Variants in CHCHD3 observed in about 807,000 individuals in gnomAD.
CHCHD3 encodes coiled-coil-helix-coiled-coil-helix domain containing 3, also known as MICOS complex subunit MIC19.
In CHCHD3, 20 loss-of-function variants were observed where a neutral mutation model predicts 38.2. The ratio of observed to expected loss-of-function variants is 0.52; its 90% CI spans 0.37 to 0.76. The LOEUF is 0.76. Among genes scored for constraint, CHCHD3 ranks in the 30% least tolerant of loss-of-function variants. The probability of loss-of-function intolerance (pLI) is 0.00; values close to 1 mark genes in which losing one functional copy is unlikely to be tolerated. For synonymous variants in CHCHD3, 82 were observed against 100.0 expected (o/e 0.82, Z 1.07); for missense variants, 245 against 279.2 (o/e 0.88, Z 0.87).
At chr7:133,018,097 T>TA (rs1026700788) in intron 3 of CHCHD3, among the ~76,000 whole-genome samples, 6 of 152,140 alleles carry the variant, frequency 3.9e-5, no homozygotes, top group Non-Finnish European at 7.4e-5. Context: ...ATAAAGCATT[T>TA]AAAAAAACAG....
chr7:132,864,758 T>C (rs1443307493), intron 5 of CHCHD3, among the ~76,000 whole-genome samples: 1 of 152,156 alleles, frequency 6.6e-6, no homozygotes, highest in Non-Finnish European at 1.5e-5. Context: ...CATGCCGAGA[T>C]ATGTACCAAT....
At chr7:133,031,162 T>A (rs1283719181) in intron 2 of CHCHD3, among the ~76,000 whole-genome samples, 1 of 152,180 alleles carries the variant, frequency 6.6e-6, no homozygotes, top group Admixed American at 6.5e-5. Context: ...AGGAAATTCT[T>A]ATTCCTCAAA....
At position 132,867,325 on chromosome 7, in the gene CHCHD3, A is replaced by G. The variant is rs145356160; in HGVS notation, c.453+18337T>C. On this transcript the variant is annotated intron_variant, in intron 5 of 7. Coordinates refer to ENST00000262570, the MANE Select transcript of CHCHD3 (RefSeq NM_017812.4). ...GTTAGAAACAAGGGTATTAAATTAC[A>G]TTAAAATGTTGTTAAAGTCATACCT... is the stretch of plus-strand genomic sequence containing the variant. Among the ~76,000 whole-genome samples the G allele has an allele frequency of 2.0e-4, 31 of 152,366 alleles. No homozygotes were observed. In the East Asian group the frequency reaches 5.6e-3, roughly 27 times the overall value.
At chr7:132,873,727 T>C (rs1269728867) in intron 5 of CHCHD3, among the ~76,000 whole-genome samples, 4 of 151,956 alleles carry the variant, frequency 2.6e-5, no homozygotes, top group Admixed American at 6.6e-5. Flanking sequence ...GGGCATTCTA[T>C]TTAGGTTAAA....
At chr7:132,897,183 A>C (rs1809522330) in intron 4 of CHCHD3, among the ~76,000 whole-genome samples, 1 of 152,224 alleles carries the variant, frequency 6.6e-6, no homozygotes, top group African/African-American at 2.4e-5. Context: ...AGGCACTTAC[A>C]TATAATCTTG....
intron 4 of CHCHD3, among the ~76,000 whole-genome samples, chr7:132,960,709 G>T (rs1811295607): frequency 6.6e-6 from 1 of 152,178 alleles, no homozygotes; most frequent in Non-Finnish European, 1.5e-5. Flanking sequence ...CAGGCATGGT[G>T]GCTCATGCCT....
At chr7:132,915,167 A>C (rs962533303) in intron 4 of CHCHD3, among the ~76,000 whole-genome samples, 6 of 152,058 alleles carry the variant, frequency 3.9e-5, no homozygotes, top group Non-Finnish European at 8.8e-5. Flanking sequence ...TCAACAAAAA[A>C]ACACTCTGCA....
At chr7:132,786,737 G>A (rs542751770) in intron 7 of CHCHD3, among the ~76,000 whole-genome samples, 1 of 151,952 alleles carries the variant, frequency 6.6e-6, no homozygotes, top group Non-Finnish European at 1.5e-5. Flanking sequence ...AGTGCATTGG[G>A]GAAACTAATA....
At chr7:132,793,061 T>C (rs7797051) in intron 7 of CHCHD3, among the ~76,000 whole-genome samples, 2 of 152,278 alleles carry the variant, frequency 1.3e-5, no homozygotes, top group African/African-American at 4.8e-5. Context: ...CTTGGGCACA[T>C]TTTGGTCTAC....
chr7:133,067,999 C>A (rs1266971618), intron 2 of CHCHD3, among the ~76,000 whole-genome samples: 2 of 151,868 alleles, frequency 1.3e-5, no homozygotes, highest in African/African-American at 4.8e-5. Context: ...GCCTGTAGTC[C>A]CAGCTACTCA....
intron 4 of CHCHD3, among the ~76,000 whole-genome samples, chr7:132,956,294 T>C (rs1811164166): frequency 6.6e-6 from 1 of 152,240 alleles, no homozygotes; most frequent in African/African-American, 2.4e-5. Context: ...TACTGAAACG[T>C]AAGCTCTATT....
intron 5 of CHCHD3, among the ~76,000 whole-genome samples, chr7:132,883,039 T>G (rs1022092222): frequency 5.3e-5 from 8 of 152,152 alleles, no homozygotes; most frequent in African/African-American, 1.9e-4. Context: ...CTGCACGCTC[T>G]CTCTCTCCTG....
chr7:133,054,827 A>G (rs970218432), intron 2 of CHCHD3, among the ~76,000 whole-genome samples: 1 of 152,142 alleles, frequency 6.6e-6, no homozygotes, highest in Non-Finnish European at 1.5e-5. Flanking sequence ...TGAAGTGGAA[A>G]GTATTCTGAA....
intron 3 of CHCHD3, among the ~76,000 whole-genome samples, chr7:132,977,303 T>C (rs1811792556): frequency 6.6e-6 from 1 of 152,212 alleles, no homozygotes. Flanking sequence ...CTAGGGATAG[T>C]GCCTAGCAAA....
chr7:133,043,900 G>A (rs1813904808), intron 2 of CHCHD3, among the ~76,000 whole-genome samples: 1 of 152,154 alleles, frequency 6.6e-6, no homozygotes, highest in Admixed American at 6.6e-5. Context: ...TGTGCTATAT[G>A]AGCATTTTAG....
At chr7:133,077,337 T>C (rs931029745) in intron 1 of CHCHD3, among the ~76,000 whole-genome samples, 17 of 152,312 alleles carry the variant, frequency 1.1e-4, no homozygotes, top group African/African-American at 4.1e-4. Flanking sequence ...TAACATACTC[T>C]CTTCAGAATC....
intron 5 of CHCHD3, among the ~76,000 whole-genome samples, chr7:132,876,105 T>C (rs1326304481): frequency 6.6e-6 from 1 of 152,216 alleles, no homozygotes; most frequent in Non-Finnish European, 1.5e-5. Context: ...TCATGTACTT[T>C]AATTTTTCAG....
intron 2 of CHCHD3, among the ~76,000 whole-genome samples, chr7:133,055,882 C>T (rs1204053631): frequency 1.3e-5 from 2 of 151,982 alleles, no homozygotes; most frequent in African/African-American, 4.8e-5. Context: ...GTGGCTCACA[C>T]CTGTAATCAC....
At chr7:132,914,121 G>A (rs978430321) in intron 4 of CHCHD3, among the ~76,000 whole-genome samples, 1 of 113,968 alleles carries the variant, frequency 8.8e-6, no homozygotes, top group African/African-American at 3.5e-5. Flanking sequence ...CACCATGCCT[G>A]GCGTGTGTGT....
Sources: gnomAD v4.1 joint callset for allele counts (sites outside exome capture counted in the v4.1 genomes callset) on GRCh38, gnomAD v4.1.1 for gene constraint, MANE v1.5 for transcripts, NCBI Gene and HGNC (gene_info 2026-07-23, HGNC 2026-07-21) for gene names.